Variants in ADAMTSL1 observed in about 807,000 individuals in gnomAD.
ADAMTSL1 encodes the protein ADAMTS-like protein 1.
Under a neutral mutation model 201.8 loss-of-function variants are expected in ADAMTSL1, and 126 were observed. The observed-to-expected ratio is 0.62, with a 90% CI of 0.54 to 0.72. ADAMTSL1 has a LOEUF of 0.72. Among genes scored for constraint, ADAMTSL1 ranks in the 30% least tolerant of loss-of-function variants. The pLI is 0.00. For missense variants in ADAMTSL1, 2,679 were observed against 2,277.8 expected (o/e 1.18, Z -3.59); for synonymous variants, 1,121 against 903.4 (o/e 1.24, Z -4.32).
intron 23 of ADAMTSL1, among the ~76,000 whole-genome samples, chr9:18,842,677 T>C (rs1331957646): frequency 6.6e-6 from 1 of 152,176 alleles, no homozygotes; most frequent in Non-Finnish European, 1.5e-5. Flanking sequence ...TCTAAGTCTC[T>C]TTGTAGGTAA....
chr9:18,906,653 A>C, intron 27 of ADAMTSL1, 39 bp from the exon 28 acceptor site: 1 of 1,488,390 alleles, frequency 6.7e-7, no homozygotes, highest in Non-Finnish European at 9.0e-7. Flanking sequence ...TTCAGCCCCC[A>C]CAGAAGCAAA....
At position 18,636,034 on chromosome 9, in the gene ADAMTSL1, T is replaced by C; in HGVS notation, c.676+17T>C. On this transcript the variant is annotated intron_variant, in intron 6 of 28. Transcript: ENST00000380548. ...ATCACTTATGTAAGTAACTCCATTG[T>C]TTTCCTTTGGGAATTGGGAATTGTA... The C allele has an allele frequency of 6.4e-7, 1 of 1,560,328 alleles. No homozygotes were observed. The highest frequency in any genetic ancestry group is 1.2e-5 in the South Asian group (1 of 82,264).
At chr9:18,864,613 G>A (rs1827393808) in intron 23 of ADAMTSL1, among the ~76,000 whole-genome samples, 2 of 152,184 alleles carry the variant, frequency 1.3e-5, no homozygotes, top group African/African-American at 4.8e-5. Context: ...AGGGTGCGAG[G>A]AAGTGAAGCC....
At chr9:18,136,453 G>C (rs1297833554) in intron 1 of ADAMTSL1, among the ~76,000 whole-genome samples, 1 of 152,022 alleles carries the variant, frequency 6.6e-6, no homozygotes. Context: ...ACGAAAAACA[G>C]TCCCTGACGT....
In ADAMTSL1 at chr9:18,749,117, G is replaced by A. The variant is rs59736801; in HGVS notation, c.2007-4181G>A. On this transcript the variant is annotated intron_variant, in intron 15 of 28. Transcript: ENST00000380548. ...CTACTCTAGTTTGACCTCATCTTAA[G>A]CGATTACATCTACAGTGACTCTATT... 6.2e-3 allele frequency among the ~76,000 whole-genome samples: 938 copies of A among 152,264 alleles called. 6 individuals are homozygous for A. Among genetic ancestry groups the A allele is most frequent in the African/African-American group, 0.021 (892 of 41,564 alleles).
intron 1 of ADAMTSL1, among the ~76,000 whole-genome samples, chr9:17,992,186 G>C (rs1586864228): frequency 6.6e-6 from 1 of 152,068 alleles, no homozygotes; most frequent in African/African-American, 2.4e-5. Context: ...TCCTTTCCTG[G>C]TTATATTCCA....
At chr9:18,332,384 T>C (rs902391392) in intron 2 of ADAMTSL1, among the ~76,000 whole-genome samples, 1 of 152,188 alleles carries the variant, frequency 6.6e-6, no homozygotes, top group Non-Finnish European at 1.5e-5. Context: ...ATTATCTGCA[T>C]GCCCCATTTT....
At chr9:18,224,686 G>T (rs1830381285) in intron 2 of ADAMTSL1, among the ~76,000 whole-genome samples, 1 of 152,192 alleles carries the variant, frequency 6.6e-6, no homozygotes, top group South Asian at 2.1e-4. Context: ...TAGGCCACAG[G>T]TAGCCATTCC....
At chr9:18,530,250 C>A (rs1010530176) in intron 2 of ADAMTSL1, among the ~76,000 whole-genome samples, 1 of 152,088 alleles carries the variant, frequency 6.6e-6, no homozygotes, top group Non-Finnish European at 1.5e-5. Context: ...GAGGTTTATG[C>A]AAGTGGAAGA....
intron 1 of ADAMTSL1, among the ~76,000 whole-genome samples, chr9:18,056,879 A>T (rs989684353): frequency 6.6e-6 from 1 of 151,252 alleles, no homozygotes; most frequent in East Asian, 1.9e-4. Flanking sequence ...CTTTTCATTC[A>T]TCTCCTTTAA....
At chr9:18,037,583 A>G (rs927430675) in intron 1 of ADAMTSL1, among the ~76,000 whole-genome samples, 1 of 152,212 alleles carries the variant, frequency 6.6e-6, no homozygotes, top group Non-Finnish European at 1.5e-5. Flanking sequence ...GTGTATATAT[A>G]GGAGATAGTA....
chr9:18,174,267 C>T (rs1415886757), intron 2 of ADAMTSL1, among the ~76,000 whole-genome samples: 2 of 152,080 alleles, frequency 1.3e-5, no homozygotes, highest in African/African-American at 2.4e-5. Context: ...TCAACCCGTG[C>T]GTTGAGTTTA....
At chr9:18,172,758 AAT>A (rs1299760418) in intron 2 of ADAMTSL1, among the ~76,000 whole-genome samples, 1 of 152,064 alleles carries the variant, frequency 6.6e-6, no homozygotes, top group Non-Finnish European at 1.5e-5. Context: ...TTATTTATAC[AAT>A]AAACACTATA....
At chr9:18,846,808 C>A (rs536911264) in intron 23 of ADAMTSL1, among the ~76,000 whole-genome samples, 1 of 152,052 alleles carries the variant, frequency 6.6e-6, no homozygotes, top group Admixed American at 6.5e-5. Context: ...GTAACTTCAA[C>A]GGGACTTGGT....
Position 18,908,629 on chromosome 9 carries a change from C to T in ADAMTSL1, c.*81C>T. On this transcript the variant is annotated 3_prime_UTR_variant, in exon 29 of 29. Transcript: ENST00000380548. The stretch of plus-strand genomic sequence containing the variant: ...CCTCGGACAGAACCTAAGCTTTCTT[C>T]ATTTTATTTATTTATTTCCCCCTCC... The T allele has an allele frequency of 2.6e-6, 3 of 1,150,362 alleles. No homozygotes were observed. Among genetic ancestry groups the T allele is most frequent in the South Asian group, 1.5e-5 (1 of 65,460 alleles). The allele number at this position is 1,150,362 out of a possible 1,614,324, so 71.3% of individuals were successfully genotyped here. A position where few individuals can be genotyped will look rare whatever the true frequency, so the allele number is the denominator to read the frequency against.
chr9:18,774,770 T>C (rs1012418082), intron 17 of ADAMTSL1, among the ~76,000 whole-genome samples: 1 of 152,188 alleles, frequency 6.6e-6, no homozygotes, highest in Non-Finnish European at 1.5e-5. Context: ...GCATATTTTG[T>C]TTATTCATTC....
Position 18,734,984 on chromosome 9 carries a change from A to G in ADAMTSL1, c.2006+13319A>G, listed in dbSNP as rs1482004450. ...TTTTGTCCTGTAACCACATAATGCA[A>G]TAATCATTATGCCAACTGTTAAAAA... On this transcript the variant is annotated intron_variant, in intron 15 of 28. Coordinates refer to ENST00000380548, the MANE Select transcript of ADAMTSL1 (RefSeq NM_001040272.6). Among the ~76,000 whole-genome samples the G allele has an allele frequency of 5.9e-5, 9 of 152,326 alleles. No homozygotes were observed. The East Asian group carries it at 1.7e-3, about 29-fold the overall frequency.
chr9:18,488,074 T>A (rs1385891920), intron 1 of ADAMTSL1, among the ~76,000 whole-genome samples: 1 of 152,180 alleles, frequency 6.6e-6, no homozygotes, highest in Non-Finnish European at 1.5e-5. Flanking sequence ...TTCCAATATC[T>A]AACGAATAGA....
At chr9:18,874,810 C>CT (rs368882624) in intron 23 of ADAMTSL1, among the ~76,000 whole-genome samples, 3,904 of 150,936 alleles carry the variant, frequency 0.026, 112 homozygotes, top group South Asian at 0.13. Flanking sequence ...TCCCTCTTCT[C>CT]TTTTTTTTTG....
Sources: gnomAD v4.1 joint callset for allele counts (sites outside exome capture counted in the v4.1 genomes callset) on GRCh38, gnomAD v4.1.1 for gene constraint, MANE v1.5 for transcripts, NCBI Gene and HGNC (gene_info 2026-07-23, HGNC 2026-07-21) for gene names.